LSP1: variants seen among roughly 807,000 people sequenced by gnomAD.
LSP1 encodes the protein lymphocyte specific protein 1, also known as lymphocyte-specific protein 1.
LSP1 carries 32 observed loss-of-function variants against 49.3 expected under a neutral mutation model. The observed-to-expected ratio is 0.65, with a 90% CI of 0.49 to 0.87. LSP1 has a LOEUF of 0.87. Among genes scored for constraint, LSP1 ranks in the 40% least tolerant of loss-of-function variants. LSP1 has a pLI of 0.00. For missense variants in LSP1, 428 were observed against 442.6 expected (o/e 0.97, Z 0.30); for synonymous variants, 179 against 178.8 (o/e 1.00, Z -0.01).
Position 1,866,335 on chromosome 11 carries a change from C to G in LSP1, c.53+13138C>G, listed in dbSNP as rs879233181. 5 of 756,964 alleles carry G rather than the reference C, an allele frequency of 6.6e-6. No individual in the cohort carries two copies. In the Admixed American group the frequency reaches 1.6e-4, roughly 24 times the overall value. 46.9% of individuals were successfully genotyped at this position (756,964 alleles called of 1,614,324 possible). ...TGCCACTGCCCACCCAGGCCAGGCA[C>G]TCAGTGCTGAGACTCTGAGAGGCCA... On this transcript the variant is annotated intron_variant, in intron 1 of 10. Transcript: ENST00000311604.
chr11:1,883,898 G>T, intron 4 of LSP1, 34 bp from the exon 5 acceptor site: 1 of 1,567,982 alleles, frequency 6.4e-7, no homozygotes, highest in Non-Finnish European at 8.6e-7. Context: ...CACAAGCAGG[G>T]GGTCACTTGG....
At chr11:1,853,626 C>A (rs1341916211) in intron 1 of LSP1, among the ~76,000 whole-genome samples, 7 of 152,192 alleles carry the variant, frequency 4.6e-5, no homozygotes, top group African/African-American at 1.7e-4. Context: ...GGCCACCTGC[C>A]CACAGGACTA....
chr11:1,888,932 C>T (rs369765656), intron 10 of LSP1: 19 of 483,716 alleles, frequency 3.9e-5, no homozygotes, highest in African/African-American at 3.4e-4. Flanking sequence ...CCAGGGGCTC[C>T]AGCTCGTCCT....
At chr11:1,883,079 G>T (rs1005013343) in intron 3 of LSP1, among the ~76,000 whole-genome samples, 1 of 152,240 alleles carries the variant, frequency 6.6e-6, no homozygotes, top group African/African-American at 2.4e-5. Flanking sequence ...AGACCAACCG[G>T]GTGTGCAAGC....
intron 1 of LSP1, among the ~76,000 whole-genome samples, chr11:1,874,862 C>T (rs1159100900): frequency 2.6e-5 from 4 of 152,084 alleles, no homozygotes; most frequent in East Asian, 1.9e-4. Flanking sequence ...CCCGGCAGGG[C>T]CCCCCTTGGT....
At chr11:1,890,416 C>T (rs868443930) in intron 10 of LSP1, 16 of 717,180 alleles carry the variant, frequency 2.2e-5, no homozygotes, top group Admixed American at 8.0e-5. Context: ...CTGGGTGGAG[C>T]GAGGTGTGTG....
intron 4 of LSP1, 107 bp downstream of exon 4, chr11:1,883,667 G>A: frequency 1.4e-6 from 2 of 1,392,286 alleles, no homozygotes; most frequent in Admixed American, 2.4e-5. Context: ...CCCAGAGTGG[G>A]TCAGCACCCC....
At chr11:1,854,926 C>G (rs1354618684) in intron 1 of LSP1, among the ~76,000 whole-genome samples, 1 of 152,138 alleles carries the variant, frequency 6.6e-6, no homozygotes, top group East Asian at 1.9e-4. Flanking sequence ...CTGGATCCCC[C>G]GGGCCAGGAG....
chr11:1,883,007 C>A (rs1848607693), intron 3 of LSP1, among the ~76,000 whole-genome samples: 1 of 152,230 alleles, frequency 6.6e-6, no homozygotes, highest in Admixed American at 6.5e-5. Flanking sequence ...CACCCAAGGG[C>A]CCCCACAGGG....
chr11:1,878,728 T>TGGGGAGACCCCAGC (rs1848414505), intron 1 of LSP1, among the ~76,000 whole-genome samples: 1 of 152,074 alleles, frequency 6.6e-6, no homozygotes, highest in African/African-American at 2.4e-5. Flanking sequence ...GAGACCCCAG[T>TGGGGAGACCCCAGC]GGGGAGACCC....
intron 1 of LSP1, among the ~76,000 whole-genome samples, chr11:1,860,303 G>GGATGGATA (rs1847595156): frequency 1.3e-5 from 2 of 151,866 alleles, no homozygotes; most frequent in South Asian, 4.2e-4. Flanking sequence ...AATGATGGAT[G>GGATGGATA]GATGGGTGGA....
At chr11:1,867,222 A>T (rs1299957195) in intron 1 of LSP1, among the ~76,000 whole-genome samples, 1 of 152,078 alleles carries the variant, frequency 6.6e-6, no homozygotes, top group Non-Finnish European at 1.5e-5. Flanking sequence ...GGGCAGCAAG[A>T]GTCCCTTGTC....
Position 1,870,375 on chromosome 11 carries a change from C to T in LSP1, c.54-9712C>T, listed in dbSNP as rs558133285. On this transcript the variant is annotated intron_variant, in intron 1 of 10. Coordinates refer to ENST00000311604, the MANE Select transcript of LSP1 (RefSeq NM_002339.3). ...GGGGAGTCTCCTGGGAAAGAAGTGC[C>T]GGCCCAGGGGCAGACTCTTTTCTGC... The T allele has an allele frequency of 2.0e-4, 253 of 1,255,268 alleles. 2 individuals are homozygous for T. The highest frequency in any genetic ancestry group is 5.0e-4 in the South Asian group (38 of 75,256). The allele number at this position is 1,255,268 out of a possible 1,614,324, so 77.8% of individuals were successfully genotyped here. A position where few individuals can be genotyped will look rare whatever the true frequency, so the allele number is the denominator to read the frequency against.
At chr11:1,872,148 AC>A (rs1351312558) in intron 1 of LSP1, among the ~76,000 whole-genome samples, 1 of 127,696 alleles carries the variant, frequency 7.8e-6, no homozygotes, top group Non-Finnish European at 1.6e-5. Flanking sequence ...GGCTGCAGTC[AC>A]CCTGGTGCAT....
rs1488234500 is a variant in LSP1 at position 1,881,606 on chromosome 11, G to A, written c.356+10G>A. 2 of 1,489,384 alleles carry A rather than the reference G, an allele frequency of 1.3e-6. No individual in the cohort carries two copies. The highest frequency in any genetic ancestry group is 5.1e-5 in the East Asian group (2 of 39,532). 92.3% of individuals were successfully genotyped at this position (1,489,384 alleles called of 1,614,324 possible). On this transcript the variant is annotated intron_variant, in intron 3 of 10. Transcript: ENST00000311604. ...GGGAGCAAGAGGACAGGTGAGTGAG[G>A]GCCTCGAGGGCGGGCGCTGGGCAGA...
In LSP1 at chr11:1,880,242, G is replaced by C; in HGVS notation, c.191+18G>C. ...GAGATGCTGTGAGCAGCCCCATAACGCGTGCCTGGGCTCTAGCCCCTATCC... is the reference window on the plus strand; with the variant it reads ...GAGATGCTGTGAGCAGCCCCATAACCCGTGCCTGGGCTCTAGCCCCTATCC... On this transcript the variant is annotated intron_variant, in intron 2 of 10. Coordinates refer to ENST00000311604, the MANE Select transcript of LSP1 (RefSeq NM_002339.3). The C allele has an allele frequency of 6.4e-7, 1 of 1,563,154 alleles. No homozygotes were observed. The highest frequency in any genetic ancestry group is 8.7e-7 in the Non-Finnish European group (1 of 1,151,692).
chr11:1,875,760 G>A (rs923946154), intron 1 of LSP1, among the ~76,000 whole-genome samples: 3 of 152,200 alleles, frequency 2.0e-5, no homozygotes, highest in African/African-American at 7.2e-5. Context: ...GCGTTGGGGG[G>A]CAGGTTCCCG....
chr11:1,857,840 C>T (rs1048977546), intron 1 of LSP1, among the ~76,000 whole-genome samples: 33 of 152,160 alleles, frequency 2.2e-4, no homozygotes, highest in Admixed American at 1.4e-3. Context: ...CTGGAACCTC[C>T]GCCCTCCAGG....
intron 1 of LSP1, among the ~76,000 whole-genome samples, chr11:1,869,900 T>A (rs941252132): frequency 6.6e-6 from 1 of 151,892 alleles, no homozygotes; most frequent in Non-Finnish European, 1.5e-5. Flanking sequence ...GAGCAGCACC[T>A]CTTCTGGCCT....
Sources: allele counts gnomAD v4.1 joint callset (sites outside exome capture counted in the v4.1 genomes callset), GRCh38; gene constraint gnomAD v4.1.1; transcripts MANE v1.5; gene names NCBI Gene and HGNC (gene_info 2026-07-23, HGNC 2026-07-21).